The following SEMA7A variants were observed in gnomAD, a reference collection of about 807,000 sequenced individuals.
SEMA7A encodes the protein semaphorin-7A.
SEMA7A carries 21 observed loss-of-function variants against 67.5 expected under a neutral mutation model. The observed-to-expected ratio is 0.31, with a 90% CI of 0.22 to 0.45. The LOEUF is 0.45. Among genes scored for constraint, SEMA7A ranks in the 20% least tolerant of loss-of-function variants. The probability of loss-of-function intolerance (pLI) is 1.00; values close to 1 mark genes in which losing one functional copy is unlikely to be tolerated. For synonymous variants in SEMA7A, 364 were observed against 368.5 expected (o/e 0.99, Z 0.14); for missense variants, 774 against 908.6 (o/e 0.85, Z 1.90).
At position 74,415,978 on chromosome 15, in the gene SEMA7A, T is replaced by G; in HGVS notation, c.809A>C (p.Gln270Pro). 6.2e-7 allele frequency: 1 copy of G among 1,613,920 alleles called. No homozygotes were observed. Among genetic ancestry groups the G allele is most frequent in the South Asian group, 1.1e-5 (1 of 91,084 alleles). ...GACTGACAGTGAACTTTCCCCACCC[T>G]GGTCCCCCTGGAAGGGTAGAGGGGA... ...SRVAQLCRGD[Q>P]GGESSLSVSK... The change falls in exon 8 of 14, where the codon CAG becomes CCG. Residue 270 changes from glutamine to proline, a missense_variant. By Grantham distance (76) the Gln-to-Pro change is moderately conservative. Coordinates refer to ENST00000261918, the MANE Select transcript of SEMA7A (RefSeq NM_003612.5).
At chr15:74,413,012 A>G (rs540568570) in intron 10 of SEMA7A, among the ~76,000 whole-genome samples, 2 of 151,280 alleles carry the variant, frequency 1.3e-5, no homozygotes, top group South Asian at 2.1e-4. Flanking sequence ...AGTTTCTAGA[A>G]TAGCCTACCT....
chr15:74,418,191 T>C, intron 3 of SEMA7A, 77 bp downstream of exon 3: 1 of 1,459,556 alleles, frequency 6.9e-7, no homozygotes, highest in Non-Finnish European at 9.6e-7. Context: ...GGGCCATGCT[T>C]CCTTCCTTAG....
chr15:74,411,253 C>CA lies in SEMA7A; in HGVS notation c.1639+41dup. ...GGACAATCAGGGCAGGGCAGTACCCCACTCATTGGGCCACAGCCGCCAGCA... is the reference window on the plus strand; with the variant it reads ...GGACAATCAGGGCAGGGCAGTACCCCAACTCATTGGGCCACAGCCGCCAGCA... On this transcript the variant is annotated intron_variant, in intron 13 of 13. Transcript: ENST00000261918. This position sits in a 1 kb window ranked among gnomAD's most constrained non-coding sequence, Gnocchi z 4.4. The CA allele has an allele frequency of 6.3e-7, 1 of 1,597,098 alleles. No individual in the cohort carries two copies. Among genetic ancestry groups the CA allele is most frequent in the Non-Finnish European group, 8.6e-7 (1 of 1,167,446 alleles).
chr15:74,422,546 C>T lies in SEMA7A; in HGVS notation c.179-3594G>A, dbSNP rs559238149. ...TCAGGCTGCCCCGTACCCAGCCGGA[C>T]TCCATAGTTCCCCTGAGTACCATTT... On this transcript the variant is annotated intron_variant, in intron 1 of 13. Coordinates refer to ENST00000261918, the MANE Select transcript of SEMA7A (RefSeq NM_003612.5). Among the ~76,000 whole-genome samples, 8 of 152,324 alleles carry T rather than the reference C, an allele frequency of 5.3e-5. No homozygotes were observed. The East Asian group carries it at 1.4e-3, about 26-fold the overall frequency.
chr15:74,422,331 C>T (rs575078406), intron 1 of SEMA7A, among the ~76,000 whole-genome samples: 18 of 152,118 alleles, frequency 1.2e-4, no homozygotes, highest in Non-Finnish European at 7.4e-5. Context: ...CCCTCACTCC[C>T]CAGCCTGACG....
rs562394301 is a variant in SEMA7A, at chr15:74,427,580, C to T, written c.178+6161G>A. On this transcript the variant is annotated intron_variant, in intron 1 of 13. Transcript: ENST00000261918. ...TCCTGACCTCAACTGATCTGCCTAC[C>T]TTGGCCTCCCAAAGTGCTGGGATTA... Among the ~76,000 whole-genome samples, 6 of 152,326 alleles carry T rather than the reference C, an allele frequency of 3.9e-5. No homozygotes were observed. The East Asian group carries it at 1.2e-3, about 29-fold the overall frequency.
Position 74,410,207 on chromosome 15 carries a change from T to C in SEMA7A, c.*417A>G, listed in dbSNP as rs1661082552. 1 of 170,678 alleles carries C rather than the reference T, an allele frequency of 5.9e-6. No individual in the cohort carries two copies. The highest frequency in any genetic ancestry group is 6.1e-5 in the Admixed American group (1 of 16,416). The allele number at this position is 170,678 out of a possible 1,614,324, so 10.6% of individuals were successfully genotyped here. On this transcript the variant is annotated 3_prime_UTR_variant, in exon 14 of 14. Coordinates refer to ENST00000261918, the MANE Select transcript of SEMA7A (RefSeq NM_003612.5). This position sits in a 1 kb window ranked among gnomAD's most constrained non-coding sequence, Gnocchi z 7.5. ...TGAGAGAGGGAGGGGAAGGAGGCAA[T>C]GTGGGTACCAAGAGTCCAGAAGGAC... is the stretch of plus-strand genomic sequence containing the variant.
chr15:74,419,018 T>C (rs2060977369), intron 1 of SEMA7A, 66 bp from the exon 2 acceptor site: 2 of 1,548,906 alleles, frequency 1.3e-6, no homozygotes, highest in African/African-American at 1.4e-5. Context: ...CTGGGTCCCC[T>C]CCACATGGCA....
intron 1 of SEMA7A, 161 bp downstream of exon 1, chr15:74,433,576 TCACA>T: frequency 8.1e-7 from 1 of 1,236,228 alleles, no homozygotes; most frequent in Non-Finnish European, 1.0e-6. Flanking sequence ...GCGTGTACAC[TCACA>T]CACACTCACC....
chr15:74,420,752 G>A (rs1786596979), intron 1 of SEMA7A, among the ~76,000 whole-genome samples: 1 of 152,166 alleles, frequency 6.6e-6, no homozygotes, highest in South Asian at 2.1e-4. Context: ...CCAAACTGCA[G>A]CCACCATCCT....
In SEMA7A at chr15:74,410,882, C is replaced by A. The variant is rs368622112; in HGVS notation, c.1743G>T (p.Glu581Asp). ...RHATYSWRHK[E>D]NVEQSCEPGH... ...CAGGTTCGCAGCTCTGCTCCACGTT[C>A]TCCTTGTGGCGCCATGAGTAGGTGG... Residue 581 changes from glutamate to aspartate, a missense_variant, in exon 14 of 14, where the codon GAG (glutamate) becomes GAT (aspartate). Glu to Asp is a conservative substitution (Grantham distance 45). Transcript: ENST00000261918. This position sits in a 1 kb window ranked among gnomAD's most constrained non-coding sequence, Gnocchi z 7.5. The A allele has an allele frequency of 3.7e-6, 6 of 1,614,218 alleles. No individual in the cohort carries two copies. The South Asian group carries it at 6.6e-5, about 18-fold the overall frequency.
At chr15:74,416,956 C>CT (rs1438927773) in intron 6 of SEMA7A, among the ~76,000 whole-genome samples, 8 of 152,192 alleles carry the variant, frequency 5.3e-5, no homozygotes, top group Non-Finnish European at 1.0e-4. Flanking sequence ...GACTTCATGC[C>CT]TGGGGACTGG....
intron 7 of SEMA7A, 76 bp downstream of exon 7, chr15:74,416,499 G>T: frequency 1.3e-6 from 2 of 1,491,086 alleles, no homozygotes; most frequent in Non-Finnish European, 1.8e-6. Context: ...CATGCACACG[G>T]ACACACAGAA....
chr15:74,433,235 G>A (rs971372710), intron 1 of SEMA7A, among the ~76,000 whole-genome samples: 9 of 151,352 alleles, frequency 5.9e-5, no homozygotes, highest in African/African-American at 1.9e-4. Context: ...GGGGGCAGGC[G>A]GCGGGGTCTT....
In SEMA7A at chr15:74,411,828, C is replaced by T; in HGVS notation, c.1422+57G>A. 3 of 1,607,714 alleles carry T rather than the reference C, an allele frequency of 1.9e-6. No homozygotes were observed. The highest frequency in any genetic ancestry group is 2.5e-6 in the Non-Finnish European group (3 of 1,177,228). On this transcript the variant is annotated intron_variant, in intron 11 of 13. Transcript: ENST00000261918. This position sits in a 1 kb window ranked among gnomAD's most constrained non-coding sequence, Gnocchi z 4.4. Reference sequence around the variant, plus strand: ...ACACACAAATCACATGCAAAGGAGCCCTGTCCTCAGCTGCAGTCACTGCAT... The same window carrying T: ...ACACACAAATCACATGCAAAGGAGCTCTGTCCTCAGCTGCAGTCACTGCAT...
In SEMA7A at chr15:74,418,909, C is replaced by G; in HGVS notation, c.222G>C (p.Pro74=). The G allele has an allele frequency of 6.2e-7, 1 of 1,613,814 alleles. No homozygotes were observed. The highest frequency in any genetic ancestry group is 8.5e-7 in the Non-Finnish European group (1 of 1,180,016). ...CTGGCTCGTGGAAAAGCACCGTGTG[C>G]GGCTCAGTCTGGCCAAAGTCCACCC... The part of the protein sequence containing the change: ...QDRVDFGQTE[P]HTVLFHEPGS... Residue 74 remains proline (P), a synonymous_variant, in exon 2 of 14, where the codon CCG becomes CCC. Coordinates refer to ENST00000261918, the MANE Select transcript of SEMA7A (RefSeq NM_003612.5).
At position 74,416,217 on chromosome 15, in the gene SEMA7A, G is replaced by C. The variant is rs138845632; in HGVS notation, c.802-232C>G. 2.0e-5 allele frequency among the ~76,000 whole-genome samples: 3 copies of C among 152,174 alleles called. No individual in the cohort carries two copies. The South Asian group carries it at 6.2e-4, about 32-fold the overall frequency. On this transcript the variant is annotated intron_variant, in intron 7 of 13. Transcript: ENST00000261918. Reference sequence around the variant, plus strand: ...CAGGGCCAGCAGTGCCCAGGGTCAGGGCAGGTGAGAGTGCCAGGTCCCCAC... The same window carrying C: ...CAGGGCCAGCAGTGCCCAGGGTCAGCGCAGGTGAGAGTGCCAGGTCCCCAC...
chr15:74,411,429 T>C lies in SEMA7A; in HGVS notation c.1578-73A>G. The stretch of plus-strand genomic sequence containing the variant: ...CCTGACCCTCCTATCCTTACCCCAG[T>C]GCAGTTCCAGCAGAGAGGAGGGTCC... On this transcript the variant is annotated intron_variant, in intron 12 of 13. Coordinates refer to ENST00000261918, the MANE Select transcript of SEMA7A (RefSeq NM_003612.5). This position sits in a 1 kb window ranked among gnomAD's most constrained non-coding sequence, Gnocchi z 4.4. The C allele has an allele frequency of 6.4e-7, 1 of 1,572,914 alleles. No homozygotes were observed. Among genetic ancestry groups the C allele is most frequent in the Non-Finnish European group, 8.7e-7 (1 of 1,155,688 alleles).
At chr15:74,419,079 C>T (rs1596193429) in intron 1 of SEMA7A, 127 bp from the exon 2 acceptor site, 1 of 1,106,556 alleles carries the variant, frequency 9.0e-7, no homozygotes, top group African/African-American at 1.6e-5. Context: ...GTCAGACAAG[C>T]TCTGGGCTGG....
Sources: gnomAD v4.1 joint callset for allele counts (sites outside exome capture counted in the v4.1 genomes callset) on GRCh38, gnomAD v4.1.1 for gene constraint, Gnocchi (gnomAD v3.1) non-coding constraint, MANE v1.5 for transcripts, NCBI Gene and HGNC (gene_info 2026-07-23, HGNC 2026-07-21) for gene names.